TMPRSS9: variants seen among roughly 807,000 people sequenced by gnomAD.
TMPRSS9 encodes transmembrane protease serine 9.
In TMPRSS9, 113 loss-of-function variants were observed where a neutral mutation model predicts 111.4. That is an observed-to-expected ratio of 1.01 (90% CI 0.87 to 1.19). TMPRSS9 has a LOEUF of 1.19. Ranked by LOEUF, TMPRSS9 falls within the 50% of genes most tolerant of loss-of-function variation. The pLI, the probability that TMPRSS9 is intolerant of heterozygous loss-of-function variation, is 0.00. For synonymous variants in TMPRSS9, 805 were observed against 659.1 expected (o/e 1.22, Z -3.39); for missense variants, 1,803 against 1,513.1 (o/e 1.19, Z -3.18).
chr19:2,386,515 A>C (rs1239901342), upstream of TMPRSS9, among the ~76,000 whole-genome samples: 1 of 151,890 alleles, frequency 6.6e-6, no homozygotes, highest in Non-Finnish European at 1.5e-5. Context: ...AAAAAAAAAA[A>C]AACCAAAAAA....
intron 1 of TMPRSS9, among the ~76,000 whole-genome samples, chr19:2,391,328 T>C (rs890266274): frequency 4.3e-5 from 6 of 140,536 alleles, no homozygotes; most frequent in African/African-American, 8.0e-5. Flanking sequence ...TGTGGCAAAA[T>C]AGTAAGTTCG....
intron 12 of TMPRSS9, 37 bp from the exon 14 acceptor site, chr19:2,417,965 A>T: frequency 6.2e-7 from 1 of 1,610,432 alleles, no homozygotes; most frequent in Non-Finnish European, 8.5e-7. Context: ...TCTGATGATC[A>T]CTGTGCACGT....
intron 1 of TMPRSS9, among the ~76,000 whole-genome samples, chr19:2,384,212 G>T (rs1325339274): frequency 6.6e-6 from 1 of 152,168 alleles, no homozygotes; most frequent in Non-Finnish European, 1.5e-5. Flanking sequence ...CGCCCACGCA[G>T]CAGACACAGC....
chr19:2,405,086 C>G (rs1230221568), intron 6 of TMPRSS9, among the ~76,000 whole-genome samples: 1 of 151,960 alleles, frequency 6.6e-6, no homozygotes, highest in Non-Finnish European at 1.5e-5. Flanking sequence ...CAAACATGTA[C>G]GTGGGGTCAT....
chr19:2,370,995 C>T (rs1025644857), intron 1 of TMPRSS9, among the ~76,000 whole-genome samples: 2 of 152,072 alleles, frequency 1.3e-5, no homozygotes, highest in Non-Finnish European at 2.9e-5. Flanking sequence ...TATTATGTAT[C>T]TTGATGACCG....
At chr19:2,396,805 G>C (rs1970720380) in intron 2 of TMPRSS9, 139 bp downstream of exon 3, 4 of 1,287,870 alleles carry the variant, frequency 3.1e-6, no homozygotes, top group Non-Finnish European at 4.2e-6. Context: ...CGGGAGGCCA[G>C]GCCAGGGGGC....
chr19:2,364,449 T>C (rs1355812457), intron 1 of TMPRSS9, among the ~76,000 whole-genome samples: 1 of 152,150 alleles, frequency 6.6e-6, no homozygotes, highest in African/African-American at 2.4e-5. Context: ...GATCTCACTA[T>C]GTTGATCAGG....
intron 1 of TMPRSS9, among the ~76,000 whole-genome samples, chr19:2,376,954 GCA>G (rs1970339965): frequency 6.6e-6 from 1 of 152,022 alleles, no homozygotes; most frequent in East Asian, 1.9e-4. Flanking sequence ...TCGCGCCGGG[GCA>G]GAGGCACACC....
chr19:2,367,775 G>A (rs1450856365), intron 1 of TMPRSS9, among the ~76,000 whole-genome samples: 1 of 151,898 alleles, frequency 6.6e-6, no homozygotes, highest in Non-Finnish European at 1.5e-5. Flanking sequence ...GTGTTAGCCA[G>A]GCTGGTCTTG....
At chr19:2,413,762 C>T (rs758431207) in exon 10 of TMPRSS9, 17 of 1,613,794 alleles carry the variant, frequency 1.1e-5, no homozygotes, top group African/African-American at 2.7e-5. Context: ...TGGCTGGCAT[C>T]GTGAGCTGGG....
At chr19:2,406,212 G>T (rs547456563) in intron 7 of TMPRSS9, among the ~76,000 whole-genome samples, 4 of 150,198 alleles carry the variant, frequency 2.7e-5, no homozygotes, top group Admixed American at 6.7e-5. Flanking sequence ...TAGAGTCGGG[G>T]TTTCACCATG....
exon 17 of TMPRSS9, chr19:2,425,481 G>A (rs1251176301): frequency 3.8e-6 from 6 of 1,587,538 alleles, no homozygotes; most frequent in South Asian, 2.3e-5. Context: ...AGGGTGGCGT[G>A]GACAGCTGCT....
At position 2,416,835 on chromosome 19, in the gene TMPRSS9, C is replaced by T. The variant is rs184571404; in HGVS notation, c.2017+26C>T. The T allele has an allele frequency of 1.8e-3, 2,862 of 1,581,932 alleles. 48 individuals carry two copies. In the African/African-American group the frequency reaches 0.034, roughly 19 times the overall value. ...GTGAGCGCTGCCCCATCGAGGGGAA[C>T]GGTGGATTTATTCTCCAGGGCCTGG... On this transcript the variant is annotated intron_variant, in intron 12 of 17. Transcript: ENST00000648592.
intron 7 of TMPRSS9, among the ~76,000 whole-genome samples, chr19:2,407,247 G>A (rs1970986460): frequency 6.6e-6 from 1 of 151,866 alleles, no homozygotes; most frequent in African/African-American, 2.4e-5. Flanking sequence ...GCTATAGTGA[G>A]CTTGTGGCTC....
At chr19:2,405,327 A>C in intron 6 of TMPRSS9, 47 bp from the exon 8 acceptor site, 1 of 1,531,366 alleles carries the variant, frequency 6.5e-7, no homozygotes. Flanking sequence ...GTTCAGGGTG[A>C]GGTCCTGCCT....
chr19:2,388,274 C>T (rs1036903295), upstream of TMPRSS9, among the ~76,000 whole-genome samples: 1 of 151,896 alleles, frequency 6.6e-6, no homozygotes, highest in Non-Finnish European at 1.5e-5. Flanking sequence ...GTGGCCCTAG[C>T]TACTAGGAGG....
intron 1 of TMPRSS9, among the ~76,000 whole-genome samples, chr19:2,394,452 T>G (rs1379032023): frequency 6.6e-6 from 1 of 152,044 alleles, no homozygotes; most frequent in Non-Finnish European, 1.5e-5. Context: ...CCATTTTAGT[T>G]GGAGATGAGA....
exon 4 of TMPRSS9, chr19:2,399,091 G>T (rs201399292): frequency 2.5e-6 from 4 of 1,613,528 alleles, no homozygotes; most frequent in Non-Finnish European, 3.4e-6. Context: ...GCTGAGCCTG[G>T]GCCTGGAGGA....
intron 1 of TMPRSS9, among the ~76,000 whole-genome samples, chr19:2,392,856 C>G (rs908593002): frequency 6.6e-6 from 1 of 152,020 alleles, no homozygotes. Flanking sequence ...AATGAGCACC[C>G]TGTGTCTAGC....
Sources: allele counts gnomAD v4.1 joint callset (sites outside exome capture counted in the v4.1 genomes callset), GRCh38; gene constraint gnomAD v4.1.1; transcripts MANE v1.5; gene names NCBI Gene and HGNC (gene_info 2026-07-23, HGNC 2026-07-21).